Variants in CNOT2 observed in about 807,000 individuals in gnomAD.
The protein encoded by CNOT2 is CC chemokine receptor 4-negative regulator of transcription 2.
Under a neutral mutation model 72.1 loss-of-function variants are expected in CNOT2, and 7 were observed. The ratio of observed to expected loss-of-function variants is 0.10; its 90% CI spans 0.06 to 0.18. The LOEUF is 0.18. CNOT2 is among the 10% of genes least tolerant of loss of function. The pLI, the probability that CNOT2 is intolerant of heterozygous loss-of-function variation, is 1.00. For synonymous variants in CNOT2, 196 were observed against 225.6 expected, an observed-to-expected ratio of 0.87 and a Z score of 1.17; for missense variants, 345 against 660.3, an observed-to-expected ratio of 0.52 and a Z score of 5.23.
chr12:70,310,491 C>T (rs1876258293), intron 2 of CNOT2, among the ~76,000 whole-genome samples: 1 of 151,914 alleles, frequency 6.6e-6, no homozygotes, highest in African/African-American at 2.4e-5. Flanking sequence ...CTTGGGAAAA[C>T]AGATAACTGA....
At chr12:70,328,617 C>G (rs1187387925) in intron 4 of CNOT2, among the ~76,000 whole-genome samples, 1 of 151,390 alleles carries the variant, frequency 6.6e-6, no homozygotes. Flanking sequence ...TTCCTATGAT[C>G]TGAATAAAAA....
intron 2 of CNOT2, among the ~76,000 whole-genome samples, chr12:70,302,347 G>A (rs1160254820): frequency 4.0e-5 from 6 of 151,084 alleles, no homozygotes; most frequent in Middle Eastern, 3.4e-3. Context: ...TCTCTTGTGG[G>A]CATTTAGTGC....
intron 1 of CNOT2, among the ~76,000 whole-genome samples, chr12:70,264,256 C>T (rs527571789): frequency 2.6e-5 from 4 of 152,220 alleles, no homozygotes; most frequent in African/African-American, 9.6e-5. Context: ...ACTAGCTAGC[C>T]CGTGGTTTAA....
At chr12:70,317,114 A>AT (rs1877470288) in intron 3 of CNOT2, among the ~76,000 whole-genome samples, 1 of 152,030 alleles carries the variant, frequency 6.6e-6, no homozygotes, top group South Asian at 2.1e-4. Flanking sequence ...TTTTATATAA[A>AT]TCTTTTACCT....
At chr12:70,292,724 G>A (rs1872133298) in intron 2 of CNOT2, among the ~76,000 whole-genome samples, 1 of 152,172 alleles carries the variant, frequency 6.6e-6, no homozygotes, top group South Asian at 2.1e-4. Context: ...CCTCTATTCC[G>A]TTTGATTTCT....
intron 2 of CNOT2, among the ~76,000 whole-genome samples, chr12:70,300,298 C>T (rs1189213316): frequency 6.6e-6 from 1 of 152,094 alleles, no homozygotes; most frequent in Non-Finnish European, 1.5e-5. Flanking sequence ...CTTGCCCATG[C>T]CTATGTCCTG....
chr12:70,249,126 A>G (rs947033697), intron 1 of CNOT2, among the ~76,000 whole-genome samples: 3 of 152,010 alleles, frequency 2.0e-5, no homozygotes, highest in African/African-American at 4.8e-5. Context: ...TGTGTTTGAG[A>G]GAGGAGCATT....
At chr12:70,259,303 C>T (rs983881801) in intron 1 of CNOT2, among the ~76,000 whole-genome samples, 31 of 143,574 alleles carry the variant, frequency 2.2e-4, no homozygotes, top group African/African-American at 8.0e-4. Context: ...GGTGAGTTTT[C>T]ATGCAGGGCT....
chr12:70,284,184 G>C (rs1870446005), intron 2 of CNOT2, among the ~76,000 whole-genome samples: 1 of 151,646 alleles, frequency 6.6e-6, no homozygotes, highest in African/African-American at 2.4e-5. Context: ...GACCTGAGGT[G>C]ATCCATCTGC....
chr12:70,276,413 C>T (rs187321063), intron 1 of CNOT2, among the ~76,000 whole-genome samples: 20 of 151,982 alleles, frequency 1.3e-4, no homozygotes, highest in Admixed American at 1.3e-3. Flanking sequence ...TGAAATTTTG[C>T]ATTTATTATC....
chr12:70,293,670 A>T (rs891861028), intron 2 of CNOT2, among the ~76,000 whole-genome samples: 1 of 152,122 alleles, frequency 6.6e-6, no homozygotes. Flanking sequence ...TTAAAAGTTC[A>T]CTGGTCCACC....
At chr12:70,300,181 C>T (rs149956022) in intron 2 of CNOT2, among the ~76,000 whole-genome samples, 2,349 of 152,246 alleles carry the variant, frequency 0.015, 63 homozygotes, top group African/African-American at 0.053. Flanking sequence ...CCTGTTCACT[C>T]TGATGGTCGT....
chr12:70,267,086 G>A (rs527765399), intron 1 of CNOT2, among the ~76,000 whole-genome samples: 38 of 151,512 alleles, frequency 2.5e-4, no homozygotes, highest in African/African-American at 8.7e-4. Flanking sequence ...TTTTTTTTTA[G>A]AGATTACTTT....
At chr12:70,317,014 T>A (rs1393413574) in intron 3 of CNOT2, among the ~76,000 whole-genome samples, 2 of 152,208 alleles carry the variant, frequency 1.3e-5, no homozygotes, top group African/African-American at 4.8e-5. Flanking sequence ...TGCATTTATG[T>A]TGGCCAGCAT....
intron 2 of CNOT2, 37 bp from the exon 3 acceptor site, chr12:70,310,858 A>G: frequency 6.3e-7 from 1 of 1,593,302 alleles, no homozygotes; most frequent in Non-Finnish European, 8.6e-7. Flanking sequence ...ACATTTTCCA[A>G]AGTATTACCC....
At position 70,259,589 on chromosome 12, in the gene CNOT2, G is replaced by A. The variant is rs141382641; in HGVS notation, c.-96+16109G>A. The stretch of plus-strand genomic sequence containing the variant: ...TATTTGAGATTTTTTCTAGAGATTC[G>A]AACAAACGGGTTTGTAGGTACTGCA... On this transcript the variant is annotated intron_variant, in intron 1 of 15. Transcript: ENST00000229195. Among the ~76,000 whole-genome samples the A allele has an allele frequency of 4.6e-5, 7 of 152,122 alleles. No individual in the cohort carries two copies. The East Asian group carries it at 5.8e-4, about 13-fold the overall frequency.
chr12:70,265,328 T>TCTTC (rs1565743571), intron 1 of CNOT2, among the ~76,000 whole-genome samples: 7 of 49,234 alleles, frequency 1.4e-4, no homozygotes, highest in African/African-American at 3.3e-4. Context: ...CTCTTCTCTT[T>TCTTC]CTTTCTTTTT....
chr12:70,266,761 C>T (rs1430019375), intron 1 of CNOT2, among the ~76,000 whole-genome samples: 1 of 152,038 alleles, frequency 6.6e-6, no homozygotes, highest in East Asian at 1.9e-4. Flanking sequence ...GTAAGGTAGC[C>T]ACTCCAGCTT....
intron 2 of CNOT2, among the ~76,000 whole-genome samples, chr12:70,302,796 GTC>G (rs1442730686): frequency 6.6e-6 from 1 of 152,138 alleles, no homozygotes; most frequent in Non-Finnish European, 1.5e-5. Context: ...TCGTTGATCT[GTC>G]TAATGTTGAC....
Sources: allele counts gnomAD v4.1 joint callset (sites outside exome capture counted in the v4.1 genomes callset), GRCh38; gene constraint gnomAD v4.1.1; transcripts MANE v1.5; gene names NCBI Gene and HGNC (gene_info 2026-07-23, HGNC 2026-07-21).